Variants in DENND4C observed in about 807,000 individuals in gnomAD.
DENND4C encodes the protein DENN domain containing 4C, also known as DENN domain-containing protein 4C.
In DENND4C, 108 loss-of-function variants were observed where a neutral mutation model predicts 203.0. That is an observed-to-expected ratio of 0.53 (90% confidence interval 0.46 to 0.62). The LOEUF (loss-of-function observed/expected upper bound fraction) is 0.62, where lower values mean the gene tolerates loss of function less well. Among genes scored for constraint, DENND4C ranks in the 20% least tolerant of loss-of-function variants. The probability of loss-of-function intolerance (pLI) is 0.00; values close to 1 mark genes in which losing one functional copy is unlikely to be tolerated. For missense variants in DENND4C, 2,481 were observed against 2,301.2 expected (o/e 1.08, Z -1.60); for synonymous variants, 871 against 792.4 (o/e 1.10, Z -1.67).
chr9:19,242,656 T>G (rs1163964111), intron 1 of DENND4C, among the ~76,000 whole-genome samples: 1 of 38,410 alleles, frequency 2.6e-5, no homozygotes, highest in Admixed American at 3.3e-4. Flanking sequence ...ATTTCTTTCT[T>G]TTTTTTTTTT....
At chr9:19,339,346 T>A (rs1821120274) in intron 20 of DENND4C, among the ~76,000 whole-genome samples, 1 of 152,240 alleles carries the variant, frequency 6.6e-6, no homozygotes, top group South Asian at 2.1e-4. Context: ...TCTTTAGTCT[T>A]CCTTAACCTG....
At chr9:19,248,292 T>C (rs1825750350) in intron 1 of DENND4C, among the ~76,000 whole-genome samples, 1 of 152,222 alleles carries the variant, frequency 6.6e-6, no homozygotes, top group African/African-American at 2.4e-5. Context: ...TTAAGGCTTT[T>C]ATTAATTGAC....
chr9:19,360,395 T>C lies in DENND4C; in HGVS notation c.5312T>C (p.Phe1771Ser). 1 of 1,614,176 alleles carries C rather than the reference T, an allele frequency of 6.2e-7. No homozygotes were observed. Among genetic ancestry groups the C allele is most frequent in the East Asian group, 2.2e-5 (1 of 44,868 alleles). Reference sequence around the variant, plus strand: ...TTCATCAATCAACATCCAATCATTTTCTGGAACCTCGTTTGGTATTTCAGA... The same window carrying C: ...TTCATCAATCAACATCCAATCATTTCCTGGAACCTCGTTTGGTATTTCAGA... Reference protein sequence around the residue: ...SSFINQHPIIFWNLVWYFRRL... With the variant: ...SSFINQHPIISWNLVWYFRRL... Residue 1771 changes from phenylalanine (F) to serine (S), a missense_variant, in exon 29 of 33, where the codon TTC becomes TCC. Physicochemically the swap from Phe to Ser is radical, Grantham distance 155. This residue lies in a region of DENND4C where 2,289 missense variants were observed against 2,113.3 expected (regional missense o/e 1.08). Coordinates refer to ENST00000434457, the MANE Select transcript of DENND4C (RefSeq NM_001330640.2).
At chr9:19,361,819 C>T (rs777119050) in intron 29 of DENND4C, 27 bp from the exon 30 acceptor site, 1 of 1,350,676 alleles carries the variant, frequency 7.4e-7, no homozygotes. Context: ...TCTCGGGATA[C>T]TAATACTTTC....
At position 19,346,209 on chromosome 9, in the gene DENND4C, A is replaced by G. The variant is rs1225861515; in HGVS notation, c.3440A>G (p.His1147Arg). The change falls in exon 23 of 33, where the codon CAT (histidine) becomes CGT (arginine). Residue 1147 changes from histidine to arginine, a missense_variant. By Grantham distance (29) the His-to-Arg change is conservative (BLOSUM62 0). Coordinates refer to ENST00000434457, the MANE Select transcript of DENND4C (RefSeq NM_001330640.2). ...TCTCTACTTCATATTGCAAGAACCCATAGCTTTGAGAATGTTAGCTGTCAC... is the reference window on the plus strand; with the variant it reads ...TCTCTACTTCATATTGCAAGAACCCGTAGCTTTGAGAATGTTAGCTGTCAC... ...KTSLLHIART[H>R]SFENVSCHLP... 5.0e-6 allele frequency: 8 copies of G among 1,614,236 alleles called. No individual in the cohort carries two copies. The highest frequency in any genetic ancestry group is 1.7e-5 in the Admixed American group (1 of 60,024).
At position 19,276,393 on chromosome 9, in the gene DENND4C, A is replaced by G. The variant is rs995492404; in HGVS notation, c.219A>G (p.Ala73=). The change falls in exon 2 of 33, where the codon GCA becomes GCG. Residue 73 remains alanine (A), a synonymous_variant. Coordinates refer to ENST00000434457, the MANE Select transcript of DENND4C (RefSeq NM_001330640.2). ...CVEATPSALQ[A]NLNYGSLKSP... The stretch of plus-strand genomic sequence containing the variant: ...AAGCCACTCCATCAGCTCTCCAAGC[A>G]AACTTGAACTATGGAAGTCTGAAAA... 5 of 1,232,026 alleles carry G rather than the reference A, an allele frequency of 4.1e-6. No individual in the cohort carries two copies. Among genetic ancestry groups the G allele is most frequent in the Non-Finnish European group, 4.0e-6 (4 of 987,956 alleles). 76.3% of individuals were successfully genotyped at this position (1,232,026 alleles called of 1,614,324 possible).
intron 10 of DENND4C, among the ~76,000 whole-genome samples, chr9:19,314,317 G>C (rs976678103): frequency 2.0e-5 from 3 of 151,794 alleles, no homozygotes; most frequent in African/African-American, 7.3e-5. Flanking sequence ...AGCTGGGTGT[G>C]GTGCCACACG....
At chr9:19,239,512 T>A (rs981835353) in intron 1 of DENND4C, among the ~76,000 whole-genome samples, 2 of 152,076 alleles carry the variant, frequency 1.3e-5, no homozygotes, top group Non-Finnish European at 2.9e-5. Flanking sequence ...TCACCCAGGC[T>A]GGAGTGCAGT....
At chr9:19,289,954 A>G (rs1835950813) in intron 4 of DENND4C, among the ~76,000 whole-genome samples, 1 of 152,164 alleles carries the variant, frequency 6.6e-6, no homozygotes, top group Non-Finnish European at 1.5e-5. Context: ...ACTTATAGAA[A>G]GAAACTGTAC....
chr9:19,269,550 C>G (rs1831201893), intron 1 of DENND4C, among the ~76,000 whole-genome samples: 1 of 152,172 alleles, frequency 6.6e-6, no homozygotes, highest in South Asian at 2.1e-4. Flanking sequence ...CTGATTCATT[C>G]TTGTTTATCA....
In DENND4C at chr9:19,296,040, T is replaced by C. The variant is rs973382223; in HGVS notation, c.834T>C (p.Pro278=). Residue 278 remains proline (P), a synonymous_variant, in exon 6 of 33, where the codon CCT becomes CCC. Coordinates refer to ENST00000434457, the MANE Select transcript of DENND4C (RefSeq NM_001330640.2). ...GAGCTGCCATTCAGTTTTATGAACC[T>C]TACTCTCGGGAACTTCTATCAGAGA... The part of the protein sequence containing the change: ...VYGAAIQFYE[P]YSRELLSEKQ... 2 of 1,613,976 alleles carry C rather than the reference T, an allele frequency of 1.2e-6. No homozygotes were observed. The highest frequency in any genetic ancestry group is 1.7e-6 in the Non-Finnish European group (2 of 1,179,964).
chr9:19,256,420 G>A (rs989213389), intron 1 of DENND4C, among the ~76,000 whole-genome samples: 14 of 147,516 alleles, frequency 9.5e-5, no homozygotes, highest in African/African-American at 3.5e-4. Context: ...GAGTTCAAGC[G>A]ATTCTCCTGT....
intron 1 of DENND4C, among the ~76,000 whole-genome samples, chr9:19,263,947 A>T (rs897861087): frequency 6.6e-6 from 1 of 152,166 alleles, no homozygotes; most frequent in Non-Finnish European, 1.5e-5. Context: ...GGTGTGAGCC[A>T]CTGCGCCTGG....
At chr9:19,313,490 G>A (rs921829651) in intron 10 of DENND4C, among the ~76,000 whole-genome samples, 5 of 152,132 alleles carry the variant, frequency 3.3e-5, no homozygotes, top group African/African-American at 9.7e-5. Flanking sequence ...TAATCCAGAC[G>A]ATAATGACAG....
intron 1 of DENND4C, among the ~76,000 whole-genome samples, chr9:19,231,230 G>C (rs954087446): frequency 6.6e-6 from 1 of 152,210 alleles, no homozygotes; most frequent in African/African-American, 2.4e-5. Flanking sequence ...CTTCCCAGAG[G>C]GGGTCGAGGC....
At chr9:19,356,406 C>G (rs1353293915) in intron 26 of DENND4C, among the ~76,000 whole-genome samples, 1 of 151,956 alleles carries the variant, frequency 6.6e-6, no homozygotes, top group Non-Finnish European at 1.5e-5. Flanking sequence ...TTACCATTAC[C>G]TCAGAAAATT....
At position 19,316,773 on chromosome 9, in the gene DENND4C, C is replaced by T. The variant is rs779438144; in HGVS notation, c.1741C>T (p.Leu581Phe). 6.2e-7 allele frequency: 1 copy of T among 1,614,034 alleles called. No homozygotes were observed. Among genetic ancestry groups the T allele is most frequent in the Non-Finnish European group, 8.5e-7 (1 of 1,179,988 alleles). ...ASILKGYRTY[L>F]RPITEAPSNK... ...TATTTTAAAAGGATATAGAACATAT[C>T]TCAGACCAATCACAGAGGCTCCTTC... Residue 581 changes from leucine (L) to phenylalanine (F), a missense_variant, in exon 12 of 33, where the codon CTC (leucine) becomes TTC (phenylalanine). Around this residue, in one of 3 missense-constraint regions of DENND4C, gnomAD observed 2,289 missense variants for 2,113.3 expected, o/e 1.08. Transcript: ENST00000434457.
chr9:19,328,669 A>G (rs527605234), intron 16 of DENND4C, among the ~76,000 whole-genome samples: 79 of 143,348 alleles, frequency 5.5e-4, no homozygotes, highest in African/African-American at 2.0e-3. Flanking sequence ...CTATCTATCT[A>G]TCTATCTATC....
chr9:19,294,714 G>T (rs1837073703), intron 5 of DENND4C, among the ~76,000 whole-genome samples: 1 of 152,152 alleles, frequency 6.6e-6, no homozygotes, highest in Non-Finnish European at 1.5e-5. Context: ...CCTTAACAAG[G>T]AATGAAATTC....
Sources: allele counts gnomAD v4.1 joint callset (sites outside exome capture counted in the v4.1 genomes callset), GRCh38; gene constraint gnomAD v4.1.1; regional missense constraint gnomAD v4.1.1; transcripts MANE v1.5; gene names NCBI Gene and HGNC (gene_info 2026-07-23, HGNC 2026-07-21).